CCSER1: variants seen among roughly 807,000 people sequenced by gnomAD.
The protein encoded by CCSER1 is coiled-coil serine rich protein 1.
In CCSER1, 41 loss-of-function variants were observed where a neutral mutation model predicts 82.0. That is an observed-to-expected ratio of 0.50 (90% CI 0.39 to 0.65). CCSER1 has a LOEUF of 0.65. CCSER1 is among the 30% of genes least tolerant of loss of function. The pLI is 0.00. For missense variants in CCSER1, 1,119 were observed against 1,064.2 expected, an observed-to-expected ratio of 1.05 and a Z score of -0.72; for synonymous variants, 414 against 383.9, an observed-to-expected ratio of 1.08 and a Z score of -0.92.
intron 10 of CCSER1, among the ~76,000 whole-genome samples, chr4:91,361,022 G>A (rs1433393167): frequency 6.6e-6 from 1 of 151,798 alleles, no homozygotes; most frequent in Non-Finnish European, 1.5e-5. Context: ...AAGATGGTAG[G>A]TATTTAAATA....
Position 91,231,149 on chromosome 4 carries a change from G to C in CCSER1, c.2217+145155G>C, listed in dbSNP as rs554529902. 2.4e-3 allele frequency among the ~76,000 whole-genome samples: 365 copies of C among 151,924 alleles called. 3 individuals carry two copies. The highest frequency in any genetic ancestry group is 8.3e-3 in the African/African-American group (343 of 41,514). On this transcript the variant is annotated intron_variant, in intron 10 of 10. Transcript: ENST00000509176. ...TATTCATAAATATATACGCACGACGGTATTCATTGTGGCATTAATCACAAT... is the reference window on the plus strand; with the variant it reads ...TATTCATAAATATATACGCACGACGCTATTCATTGTGGCATTAATCACAAT...
At chr4:91,522,735 CTT>C (rs1760551141) in intron 10 of CCSER1, among the ~76,000 whole-genome samples, 1 of 152,126 alleles carries the variant, frequency 6.6e-6, no homozygotes, top group Non-Finnish European at 1.5e-5. Context: ...TATCCTGAGA[CTT>C]TGCTGAAGTT....
At chr4:90,186,683 T>C (rs1734677868) in intron 1 of CCSER1, among the ~76,000 whole-genome samples, 1 of 152,006 alleles carries the variant, frequency 6.6e-6, no homozygotes, top group South Asian at 2.1e-4. Flanking sequence ...GTACCTCCTT[T>C]AGCCTATGAA....
At chr4:90,700,211 C>A (rs950847911) in intron 6 of CCSER1, among the ~76,000 whole-genome samples, 22 of 152,168 alleles carry the variant, frequency 1.4e-4, no homozygotes, top group Admixed American at 1.2e-3. Flanking sequence ...TTGCTCAATT[C>A]CCACCTATGA....
At chr4:90,367,573 G>A (rs868377132) in intron 3 of CCSER1, among the ~76,000 whole-genome samples, 1 of 151,262 alleles carries the variant, frequency 6.6e-6, no homozygotes, top group African/African-American at 2.4e-5. Context: ...TAGAAATAAG[G>A]CCACAAAGAC....
chr4:91,486,174 A>G (rs1296486950), intron 10 of CCSER1, among the ~76,000 whole-genome samples: 1 of 151,770 alleles, frequency 6.6e-6, no homozygotes, highest in Non-Finnish European at 1.5e-5. Context: ...AATATATTGT[A>G]TATATTTAAA....
chr4:91,089,764 G>A (rs1723760572), intron 10 of CCSER1, among the ~76,000 whole-genome samples: 1 of 152,108 alleles, frequency 6.6e-6, no homozygotes, highest in South Asian at 2.1e-4. Context: ...TTCCAAACAT[G>A]GCCCCAGGAT....
intron 5 of CCSER1, among the ~76,000 whole-genome samples, chr4:90,559,628 C>T (rs1408934783): frequency 6.6e-6 from 1 of 151,792 alleles, no homozygotes; most frequent in East Asian, 2.0e-4. Context: ...TGAGGCCAGC[C>T]TGGGCAATAT....
At chr4:91,591,143 C>T (rs1282379886) in intron 10 of CCSER1, among the ~76,000 whole-genome samples, 2 of 152,064 alleles carry the variant, frequency 1.3e-5, no homozygotes, top group Admixed American at 6.6e-5. Context: ...ATGCTACTAA[C>T]ATCCTGCAAT....
intron 5 of CCSER1, among the ~76,000 whole-genome samples, chr4:90,563,128 T>TC (rs920138060): frequency 1.3e-5 from 2 of 152,120 alleles, no homozygotes; most frequent in African/African-American, 4.8e-5. Context: ...TATTTATTTT[T>TC]TTGAGACGAA....
intron 1 of CCSER1, among the ~76,000 whole-genome samples, chr4:90,161,636 A>C (rs1237930759): frequency 6.6e-6 from 1 of 152,114 alleles, no homozygotes; most frequent in African/African-American, 2.4e-5. Context: ...AGTATATATA[A>C]AAATCTAAAA....
chr4:90,716,309 A>C (rs1356836620), intron 6 of CCSER1, among the ~76,000 whole-genome samples: 2 of 151,986 alleles, frequency 1.3e-5, no homozygotes, highest in African/African-American at 4.8e-5. Context: ...ATTTTTAAAA[A>C]GTAGTAAATA....
At chr4:90,870,221 A>C (rs1766281515) in intron 8 of CCSER1, among the ~76,000 whole-genome samples, 1 of 152,086 alleles carries the variant, frequency 6.6e-6, no homozygotes, top group South Asian at 2.1e-4. Flanking sequence ...TAGGACTTCC[A>C]GTACTATGTT....
At chr4:90,310,799 G>A (rs1203360834) in intron 2 of CCSER1, among the ~76,000 whole-genome samples, 1 of 152,010 alleles carries the variant, frequency 6.6e-6, no homozygotes, top group Non-Finnish European at 1.5e-5. Flanking sequence ...ATAATGTCAC[G>A]AGTAATAGGA....
chr4:90,861,928 T>TATATATATATATATATATA (rs1561265442), intron 8 of CCSER1, among the ~76,000 whole-genome samples: 79 of 109,312 alleles, frequency 7.2e-4, no homozygotes, highest in African/African-American at 2.2e-3. Flanking sequence ...ATATATATAT[T>TATATATATATATATATATA]TTTTTTTTCT....
intron 10 of CCSER1, among the ~76,000 whole-genome samples, chr4:91,433,316 C>A (rs1031281202): frequency 6.6e-6 from 1 of 152,106 alleles, no homozygotes. Context: ...CTGTGGCCAT[C>A]ATAACGTCAT....
chr4:90,176,731 G>C (rs1732760825), intron 1 of CCSER1, among the ~76,000 whole-genome samples: 1 of 151,996 alleles, frequency 6.6e-6, no homozygotes, highest in Non-Finnish European at 1.5e-5. Context: ...TAAAACTTCA[G>C]AACGAGGAGC....
intron 3 of CCSER1, among the ~76,000 whole-genome samples, chr4:90,360,599 A>T (rs892495601): frequency 2.7e-5 from 4 of 150,550 alleles, no homozygotes; most frequent in African/African-American, 4.9e-5. Context: ...AAAAAAAAAA[A>T]AAAGCTTCCA....
chr4:91,106,700 G>A (rs1561553891), intron 10 of CCSER1, among the ~76,000 whole-genome samples: 1 of 152,190 alleles, frequency 6.6e-6, no homozygotes, highest in African/African-American at 2.4e-5. Context: ...AAAATGGACA[G>A]TTATTTATTC....
Sources: gnomAD v4.1 joint callset for allele counts (sites outside exome capture counted in the v4.1 genomes callset) on GRCh38, gnomAD v4.1.1 for gene constraint, MANE v1.5 for transcripts, NCBI Gene and HGNC (gene_info 2026-07-23, HGNC 2026-07-21) for gene names.